DNAH5: variants seen among roughly 807,000 people sequenced by gnomAD.
DNAH5 encodes the protein axonemal beta dynein heavy chain 5.
A neutral mutation model predicts 518.2 loss-of-function variants in DNAH5; 372 were observed. That is an observed-to-expected ratio of 0.72 (90% confidence interval 0.66 to 0.78). The LOEUF is 0.78. Among genes scored for constraint, DNAH5 ranks in the 30% least tolerant of loss-of-function variants. The pLI is 0.00. For synonymous variants in DNAH5, 2,039 were observed against 2,025.9 expected (o/e 1.01, Z -0.17); for missense variants, 5,523 against 5,687.0 (o/e 0.97, Z 0.93).
At chr5:13,721,899 G>A (rs1745103439) in intron 70 of DNAH5, among the ~76,000 whole-genome samples, 1 of 152,144 alleles carries the variant, frequency 6.6e-6, no homozygotes, top group African/African-American at 2.4e-5. Flanking sequence ...TTTTTCAAAT[G>A]AGGTAAAAGA....
chr5:13,915,140 C>T (rs1308551431), intron 9 of DNAH5, among the ~76,000 whole-genome samples: 1 of 152,042 alleles, frequency 6.6e-6, no homozygotes, highest in African/African-American at 2.4e-5. Context: ...CCAAACTTCA[C>T]AAAAATCCTC....
At chr5:13,939,815 G>A (rs759136757) in intron 1 of DNAH5, among the ~76,000 whole-genome samples, 3 of 152,134 alleles carry the variant, frequency 2.0e-5, no homozygotes, top group Non-Finnish European at 4.4e-5. Context: ...AGAATTAAGC[G>A]CACTTCAGTA....
At chr5:13,756,991 G>T (rs1415119131) in intron 61 of DNAH5, among the ~76,000 whole-genome samples, 2 of 152,164 alleles carry the variant, frequency 1.3e-5, no homozygotes, top group Non-Finnish European at 2.9e-5. Flanking sequence ...GTTTGCTAAG[G>T]ATAATGGCCT....
chr5:13,911,220 C>T (rs1430613368), intron 12 of DNAH5, 166 bp downstream of exon 12: 13 of 653,282 alleles, frequency 2.0e-5, no homozygotes, highest in Non-Finnish European at 3.6e-5. Context: ...TGAAAAACAG[C>T]CTTCAATTAT....
At chr5:14,009,587 T>C (rs1784976278) in intron 1 of DNAH5, among the ~76,000 whole-genome samples, 2 of 152,338 alleles carry the variant, frequency 1.3e-5, no homozygotes, top group Middle Eastern at 3.4e-3. Flanking sequence ...CAAATCAATC[T>C]TGGACTAGTG....
At chr5:13,906,100 CG>C (rs1775251039) in intron 12 of DNAH5, among the ~76,000 whole-genome samples, 1 of 152,064 alleles carries the variant, frequency 6.6e-6, no homozygotes, top group Non-Finnish European at 1.5e-5. Context: ...TAGTAGTTAC[CG>C]GGAGAGGGAA....
Position 13,721,156 on chromosome 5 carries a change from T to G in DNAH5, c.12123A>C (p.Pro4041=), listed in dbSNP as rs149580135. 4.0e-5 allele frequency: 65 copies of G among 1,614,108 alleles called. No homozygotes were observed. In the Admixed American group the frequency reaches 6.3e-4, roughly 16 times the overall value. Residue 4041 remains proline, a synonymous_variant, in exon 71 of 79, where the codon CCA becomes CCC. Transcript: ENST00000265104. The part of the protein sequence containing the change: ...DLEKTWEESD[P]RTPLICLLSM... The stretch of plus-strand genomic sequence containing the variant: ...ACAGGAGACAGATGAGTGGCGTCCG[T>G]GGATCAGATTCCTCCCACGTCTTCT...
At chr5:13,812,348 C>G (rs1270533738) in intron 43 of DNAH5, among the ~76,000 whole-genome samples, 1 of 152,100 alleles carries the variant, frequency 6.6e-6, no homozygotes, top group Non-Finnish European at 1.5e-5. Flanking sequence ...CTCTGTCACT[C>G]AGGCTGGAAT....
chr5:13,823,424 T>C, intron 39 of DNAH5, 54 bp from the exon 40 acceptor site: 1 of 1,197,146 alleles, frequency 8.4e-7, no homozygotes, highest in Non-Finnish European at 1.2e-6. Flanking sequence ...AACATATCAA[T>C]ATGCAGATAA....
In DNAH5 at chr5:13,876,727, T is replaced by G; in HGVS notation, c.3353A>C (p.Lys1118Thr). Residue 1118 changes from lysine (K) to threonine (T), a missense_variant, in exon 22 of 79, where the codon AAA becomes ACA. Lys to Thr is a moderately conservative substitution (Grantham distance 78, BLOSUM62 -1). Around this residue, in one of 3 missense-constraint regions of DNAH5, gnomAD observed 5,121 missense variants for 5,223.3 expected, o/e 0.98. Coordinates refer to ENST00000265104, the MANE Select transcript of DNAH5 (RefSeq NM_001369.3). ...AATTGTGCTAAGCACAGAAACTAAT[T>G]TTACAATCTCTTTGTTTTCAGAAAC... ...KNVSENKEIV[K>T]LVSVLSTIIN... The G allele has an allele frequency of 6.2e-7, 1 of 1,613,990 alleles. No individual in the cohort carries two copies. Among genetic ancestry groups the G allele is most frequent in the South Asian group, 1.1e-5 (1 of 91,082 alleles).
intron 35 of DNAH5, among the ~76,000 whole-genome samples, chr5:13,833,969 A>T (rs1362760913): frequency 6.6e-6 from 1 of 152,222 alleles, no homozygotes; most frequent in African/African-American, 2.4e-5. Flanking sequence ...TCAGTCAGTG[A>T]AGGGCTGACA....
intron 1 of DNAH5, among the ~76,000 whole-genome samples, chr5:13,997,320 C>G (rs1266692806): frequency 6.6e-6 from 1 of 152,202 alleles, no homozygotes; most frequent in East Asian, 1.9e-4. Flanking sequence ...GTTTCTTCCA[C>G]TAAATATTCT....
At chr5:13,925,054 TCCC>T (rs1371979360) in intron 3 of DNAH5, among the ~76,000 whole-genome samples, 1 of 152,146 alleles carries the variant, frequency 6.6e-6, no homozygotes, top group Non-Finnish European at 1.5e-5. Context: ...GGAGTAATCC[TCCC>T]TCAGGGATCT....
chr5:13,752,410 T>A, intron 63 of DNAH5, 121 bp from the exon 64 acceptor site: 1 of 1,182,360 alleles, frequency 8.5e-7, no homozygotes, highest in Non-Finnish European at 1.2e-6. Context: ...AAATTGAGCA[T>A]CCAAAATGTT....
At chr5:14,005,897 A>G (rs1784692420) in intron 1 of DNAH5, among the ~76,000 whole-genome samples, 1 of 152,222 alleles carries the variant, frequency 6.6e-6, no homozygotes, top group Non-Finnish European at 1.5e-5. Flanking sequence ...GGCAGAATGA[A>G]GGAGGCAGCC....
intron 61 of DNAH5, among the ~76,000 whole-genome samples, chr5:13,755,357 AT>A (rs1467992805): frequency 7.2e-5 from 11 of 152,226 alleles, no homozygotes; most frequent in African/African-American, 1.9e-4. Context: ...CCATAAAAAA[AT>A]CCTATAAAAA....
Position 13,794,072 on chromosome 5 carries a change from A to G in DNAH5, c.7888-14T>C, listed in dbSNP as rs753329948. On this transcript the variant is annotated splice_polypyrimidine_tract_variant and intron_variant, in intron 47 of 78. Transcript: ENST00000265104. ...CTCTATCGTCCTCTGTGAAAAAAAA[A>G]TCAACTGAAACATCTGTGAAAATAT... is the stretch of plus-strand genomic sequence containing the variant. 3.1e-6 allele frequency: 5 copies of G among 1,614,072 alleles called. No homozygotes were observed. Among genetic ancestry groups the G allele is most frequent in the Admixed American group, 1.7e-5 (1 of 60,026 alleles).
intron 2 of DNAH5, among the ~76,000 whole-genome samples, chr5:13,930,844 A>T (rs1778344213): frequency 6.6e-6 from 1 of 152,344 alleles, no homozygotes; most frequent in Admixed American, 6.5e-5. Flanking sequence ...ATGAGAGCCC[A>T]GCTTCACTGG....
chr5:13,716,322 C>G (rs1484069626), intron 74 of DNAH5, among the ~76,000 whole-genome samples, 165 bp downstream of exon 74: 2 of 152,158 alleles, frequency 1.3e-5, no homozygotes, highest in African/African-American at 4.8e-5. Context: ...ACATTTTAAT[C>G]ATCCATTGAG....
Sources: gnomAD v4.1 joint callset for allele counts (sites outside exome capture counted in the v4.1 genomes callset) on GRCh38, gnomAD v4.1.1 for gene constraint, gnomAD v4.1.1 regional missense constraint, MANE v1.5 for transcripts, NCBI Gene and HGNC (gene_info 2026-07-23, HGNC 2026-07-21) for gene names.